The following CNTLN variants were observed in gnomAD, a reference collection of about 807,000 sequenced individuals.
The protein encoded by CNTLN is centlein, also known as centlein, centrosomal protein.
CNTLN carries 212 observed loss-of-function variants against 180.0 expected under a neutral mutation model. The ratio of observed to expected loss-of-function variants is 1.18; its 90% CI spans 1.05 to 1.32. The LOEUF is 1.32. CNTLN is among the 40% of genes most tolerant of loss of function. The pLI, the probability that CNTLN is intolerant of heterozygous loss-of-function variation, is 0.00. For missense variants in CNTLN, 2,095 were observed against 1,610.9 expected, an observed-to-expected ratio of 1.30 and a Z score of -5.14; for synonymous variants, 722 against 563.1, an observed-to-expected ratio of 1.28 and a Z score of -3.99.
intron 2 of CNTLN, among the ~76,000 whole-genome samples, chr9:17,150,046 A>G (rs1438669081): frequency 2.0e-5 from 3 of 152,138 alleles, no homozygotes. Flanking sequence ...GATTCTGGAT[A>G]TTAGCCCTCT....
chr9:17,322,812 C>G (rs1293847965), intron 8 of CNTLN, among the ~76,000 whole-genome samples: 3 of 152,000 alleles, frequency 2.0e-5, no homozygotes, highest in African/African-American at 7.2e-5. Context: ...TCTAAAAAAA[C>G]AAATAGTTTA....
chr9:17,239,186 C>G (rs897784775), intron 5 of CNTLN, among the ~76,000 whole-genome samples: 1 of 152,056 alleles, frequency 6.6e-6, no homozygotes, highest in African/African-American at 2.4e-5. Context: ...GCGCGTGCCA[C>G]CACATGCAGA....
At chr9:17,333,377 GT>G (rs971478672) in intron 10 of CNTLN, among the ~76,000 whole-genome samples, 3 of 151,646 alleles carry the variant, frequency 2.0e-5, no homozygotes, top group Admixed American at 6.6e-5. Context: ...TACATTGAGG[GT>G]TTTTTTTCTC....
At chr9:17,385,420 C>G (rs1825610700) in intron 13 of CNTLN, among the ~76,000 whole-genome samples, 1 of 152,140 alleles carries the variant, frequency 6.6e-6, no homozygotes, top group African/African-American at 2.4e-5. Flanking sequence ...GCAGCCAGTC[C>G]TCATCTTGAA....
chr9:17,182,765 C>G (rs979953594), intron 2 of CNTLN, among the ~76,000 whole-genome samples: 5 of 152,178 alleles, frequency 3.3e-5, no homozygotes, highest in Admixed American at 1.3e-4. Flanking sequence ...CATTCTTCTT[C>G]CTGTTGAGTC....
intron 7 of CNTLN, among the ~76,000 whole-genome samples, chr9:17,302,555 A>G (rs1393190616): frequency 2.6e-5 from 4 of 152,184 alleles, no homozygotes; most frequent in African/African-American, 9.7e-5. Flanking sequence ...ATGCCATAAT[A>G]AGAATGTACG....
Position 17,309,063 on chromosome 9 carries a change from C to T in CNTLN, c.1152C>T (p.Tyr384=). The T allele has an allele frequency of 6.4e-7, 1 of 1,572,242 alleles. No individual in the cohort carries two copies. Among genetic ancestry groups the T allele is most frequent in the Non-Finnish European group, 8.6e-7 (1 of 1,164,920 alleles). Residue 384 remains tyrosine (Y), a synonymous_variant, in exon 8 of 26, where the codon TAC becomes TAT. Transcript: ENST00000380647. ...GGATATATTTTTTGAAACAGCTTTA[C>T]AATGAGTTACATATTTGTTTTGAAA... ...TAESISYQKL[Y]NELHICFETT...
At chr9:17,222,372 A>G (rs1188990489) in intron 2 of CNTLN, among the ~76,000 whole-genome samples, 1 of 151,984 alleles carries the variant, frequency 6.6e-6, no homozygotes, top group African/African-American at 2.4e-5. Flanking sequence ...TCTCATCTTT[A>G]GTTGTACTCC....
chr9:17,309,630 C>G lies in CNTLN; in HGVS notation c.1341+378C>G, dbSNP rs930709551. Among the ~76,000 whole-genome samples, 4 of 151,302 alleles carry G rather than the reference C, an allele frequency of 2.6e-5. 1 individual carries two copies. The highest frequency in any genetic ancestry group is 9.7e-5 in the African/African-American group (4 of 41,206). ...AGTACTTGCCATAATGCCTGGTATT[C>G]GGTACTCAGTATCCAATAGTCCTAA... On this transcript the variant is annotated intron_variant, in intron 8 of 25. Coordinates refer to ENST00000380647, the MANE Select transcript of CNTLN (RefSeq NM_017738.4).
intron 2 of CNTLN, among the ~76,000 whole-genome samples, chr9:17,186,193 C>T (rs904117277): frequency 6.6e-6 from 1 of 152,168 alleles, no homozygotes; most frequent in Non-Finnish European, 1.5e-5. Flanking sequence ...GCCACATGTT[C>T]ATGCACACTG....
chr9:17,489,883 C>A (rs1218235801), intron 25 of CNTLN, among the ~76,000 whole-genome samples: 1 of 152,104 alleles, frequency 6.6e-6, no homozygotes, highest in Admixed American at 6.6e-5. Context: ...CTGAAAAAAT[C>A]TTACTAAGTC....
At chr9:17,156,391 G>A (rs932042959) in intron 2 of CNTLN, among the ~76,000 whole-genome samples, 15 of 151,770 alleles carry the variant, frequency 9.9e-5, no homozygotes, top group African/African-American at 2.7e-4. Context: ...CACATTTCTC[G>A]GATTGTCTAA....
chr9:17,472,378 A>G (rs1192617576), intron 23 of CNTLN, among the ~76,000 whole-genome samples: 2 of 152,128 alleles, frequency 1.3e-5, no homozygotes, highest in Non-Finnish European at 2.9e-5. Flanking sequence ...TCATTTTAGA[A>G]TGCTAGTCAT....
rs915465841 is a variant in CNTLN at position 17,212,885 on chromosome 9, G to T, written c.450-13318G>T. Among the ~76,000 whole-genome samples, 242 of 152,232 alleles carry T rather than the reference G, an allele frequency of 1.6e-3. 3 individuals carry two copies. The highest frequency in any genetic ancestry group is 4.7e-4 in the Non-Finnish European group (32 of 68,018). On this transcript the variant is annotated intron_variant, in intron 2 of 25. Coordinates refer to ENST00000380647, the MANE Select transcript of CNTLN (RefSeq NM_017738.4). ...CTCTGATGGTAATTTGTATTTCTGT[G>T]GGATCGGTGGTGATATCCCCTTTAT... is the stretch of plus-strand genomic sequence containing the variant.
At chr9:17,250,044 T>C (rs183135226) in intron 5 of CNTLN, among the ~76,000 whole-genome samples, 4 of 151,836 alleles carry the variant, frequency 2.6e-5, no homozygotes, top group Admixed American at 1.3e-4. Flanking sequence ...TTGCTCTCTA[T>C]ATTTTGGGGC....
At chr9:17,378,284 A>C (rs564640674) in intron 13 of CNTLN, among the ~76,000 whole-genome samples, 1 of 152,074 alleles carries the variant, frequency 6.6e-6, no homozygotes, top group Non-Finnish European at 1.5e-5. Context: ...GGTTCAAGCA[A>C]TTCTCCTGCC....
At chr9:17,423,585 A>C (rs888036752) in intron 18 of CNTLN, among the ~76,000 whole-genome samples, 2 of 152,094 alleles carry the variant, frequency 1.3e-5, no homozygotes, top group African/African-American at 4.8e-5. Context: ...CTTCAGTTCA[A>C]CTGGCTCCAA....
chr9:17,455,750 G>T (rs527997151), intron 18 of CNTLN, among the ~76,000 whole-genome samples: 97 of 149,944 alleles, frequency 6.5e-4, no homozygotes, highest in Middle Eastern at 3.5e-3. Context: ...GGAATGGCAG[G>T]CAGGTTTGGG....
At chr9:17,412,988 A>G (rs1193841630) in intron 16 of CNTLN, among the ~76,000 whole-genome samples, 2 of 152,194 alleles carry the variant, frequency 1.3e-5, no homozygotes, top group Non-Finnish European at 2.9e-5. Flanking sequence ...GAAAAATTAA[A>G]TAACTATGTT....
Sources: gnomAD v4.1 joint callset for allele counts (sites outside exome capture counted in the v4.1 genomes callset) on GRCh38, gnomAD v4.1.1 for gene constraint, MANE v1.5 for transcripts, NCBI Gene and HGNC (gene_info 2026-07-23, HGNC 2026-07-21) for gene names.